The following VGLL4 variants were observed in gnomAD, a reference collection of about 807,000 sequenced individuals.
VGLL4 encodes the protein transcription cofactor vestigial-like protein 4.
VGLL4 carries 7 observed loss-of-function variants against 21.0 expected under a neutral mutation model. The observed-to-expected ratio is 0.33, with a 90% CI of 0.19 to 0.63. VGLL4 has a LOEUF of 0.63. Ranked by LOEUF, VGLL4 falls within the 20% of genes least tolerant of loss-of-function variation. The pLI is 0.78. For synonymous variants in VGLL4, 222 were observed against 173.2 expected, an observed-to-expected ratio of 1.28 and a Z score of -2.21; for missense variants, 394 against 425.7, an observed-to-expected ratio of 0.93 and a Z score of 0.66.
At chr3:11,606,827 C>G (rs1477097519) in intron 1 of VGLL4, among the ~76,000 whole-genome samples, 4 of 152,160 alleles carry the variant, frequency 2.6e-5, no homozygotes, top group Non-Finnish European at 5.9e-5. Context: ...CACTCAAGTC[C>G]CCTTCCACGC....
At chr3:11,584,200 G>A (rs773251920) in intron 2 of VGLL4, among the ~76,000 whole-genome samples, 14 of 152,024 alleles carry the variant, frequency 9.2e-5, no homozygotes, top group Admixed American at 1.3e-4. Context: ...ATGAAGAGTC[G>A]TAACATATCA....
Position 11,653,911 on chromosome 3 carries a change from C to G in VGLL4, c.64+49060G>C, listed in dbSNP as rs2075916684. 2.0e-5 allele frequency among the ~76,000 whole-genome samples: 3 copies of G among 152,022 alleles called. No homozygotes were observed. The South Asian group carries it at 6.2e-4, about 32-fold the overall frequency. Reference sequence around the variant, plus strand: ...TAGCAGGCAGAGGGATAGAATTCACCCGAGACAACACAGAGGGAAGGGCCC... The same window carrying G: ...TAGCAGGCAGAGGGATAGAATTCACGCGAGACAACACAGAGGGAAGGGCCC... On this transcript the variant is annotated intron_variant, in intron 2 of 5. Coordinates refer to the VGLL4 transcript ENST00000273038. This position sits in a 1 kb window ranked among gnomAD's most constrained non-coding sequence, Gnocchi z 4.2.
chr3:11,631,451 A>G (rs1159911906), intron 1 of VGLL4, among the ~76,000 whole-genome samples: 9 of 152,212 alleles, frequency 5.9e-5, no homozygotes, highest in African/African-American at 4.8e-5. Flanking sequence ...TTATCAGCAG[A>G]TAAGGACAAA....
At chr3:11,649,229 G>A (rs560608977) in intron 2 of VGLL4, among the ~76,000 whole-genome samples, 9 of 152,206 alleles carry the variant, frequency 5.9e-5, no homozygotes, top group Non-Finnish European at 8.8e-5. Flanking sequence ...TATATACTGT[G>A]TGACAGTACT....
At chr3:11,583,145 C>T (rs2074277801) in intron 2 of VGLL4, among the ~76,000 whole-genome samples, 1 of 152,190 alleles carries the variant, frequency 6.6e-6, no homozygotes, top group Non-Finnish European at 1.5e-5. Flanking sequence ...GTCAGTTTTG[C>T]AAACAAGACC....
At chr3:11,598,786 C>T (rs1034322109) in intron 2 of VGLL4, among the ~76,000 whole-genome samples, 12 of 152,140 alleles carry the variant, frequency 7.9e-5, no homozygotes, top group African/African-American at 2.9e-4. Context: ...GCTAGCACAC[C>T]CAGCCAAAAC....
intron 2 of VGLL4, among the ~76,000 whole-genome samples, chr3:11,668,028 A>AT (rs371554255): frequency 4.7e-5 from 7 of 150,376 alleles, no homozygotes; most frequent in African/African-American, 1.7e-4. Context: ...TAATTTTTGT[A>AT]TTTTTTTGTA....
At chr3:11,580,478 G>A (rs1052804024) in intron 2 of VGLL4, among the ~76,000 whole-genome samples, 1 of 152,198 alleles carries the variant, frequency 6.6e-6, no homozygotes, top group Non-Finnish European at 1.5e-5. Context: ...ATCCGTTCAA[G>A]TCTCTGCTTT....
chr3:11,676,251 G>A (rs2076287704), intron 2 of VGLL4, among the ~76,000 whole-genome samples: 2 of 152,080 alleles, frequency 1.3e-5, no homozygotes. Flanking sequence ...GCCGGGTGTG[G>A]TGGTGGGTGC....
intron 2 of VGLL4, among the ~76,000 whole-genome samples, chr3:11,679,369 GA>G (rs146424551): frequency 0.12 from 17,279 of 148,746 alleles, 1,208 homozygotes; most frequent in Admixed American, 0.15. Flanking sequence ...AGTAAAAATT[GA>G]AAAAAAAAAA....
intron 2 of VGLL4, among the ~76,000 whole-genome samples, chr3:11,583,348 A>G (rs1416349255): frequency 2.6e-5 from 4 of 152,204 alleles, no homozygotes; most frequent in Non-Finnish European, 5.9e-5. Context: ...CAACCCCAAA[A>G]TGATGTGAAA....
rs765522686 is a variant in VGLL4, at chr3:11,564,840, G to A, written c.452C>T (p.Pro151Leu). The change falls in exon 3 of 5, where the codon CCA becomes CTA. Residue 151 changes from proline (P) to leucine (L), a missense_variant. Pro to Leu is a moderately conservative substitution (Grantham distance 98). Transcript: ENST00000430365. ...LTKNSLDASR[P>L]AGLSPTLTPG... Reference sequence around the variant, plus strand: ...GGTCAGTGTGGGCGAGAGGCCGGCTGGCCTGCTGGCGTCCAGGCTGTTCTT... The same window carrying A: ...GGTCAGTGTGGGCGAGAGGCCGGCTAGCCTGCTGGCGTCCAGGCTGTTCTT... The A allele has an allele frequency of 1.2e-5, 20 of 1,600,392 alleles. No homozygotes were observed. The African/African-American group carries it at 2.1e-4, about 17-fold the overall frequency.
intron 2 of VGLL4, among the ~76,000 whole-genome samples, chr3:11,598,760 G>A (rs1463421322): frequency 1.3e-5 from 2 of 152,112 alleles, no homozygotes; most frequent in African/African-American, 2.4e-5. Context: ...CTAAAGTGCT[G>A]GAATTACAGG....
chr3:11,576,526 C>T (rs2074050642), intron 2 of VGLL4, among the ~76,000 whole-genome samples: 1 of 152,202 alleles, frequency 6.6e-6, no homozygotes, highest in Non-Finnish European at 1.5e-5. Context: ...TGGACAAAAC[C>T]CTGGGAGACA....
At chr3:11,705,717 T>C (rs2125407876) in intron 1 of VGLL4, among the ~76,000 whole-genome samples, 1 of 152,320 alleles carries the variant, frequency 6.6e-6, no homozygotes, top group East Asian at 1.9e-4. Context: ...TGTGATTTGG[T>C]CGAGACCATC....
intron 2 of VGLL4, among the ~76,000 whole-genome samples, chr3:11,677,902 C>G (rs1475747490): frequency 1.1e-5 from 1 of 90,734 alleles, no homozygotes; most frequent in Non-Finnish European, 2.3e-5. Context: ...AGCAAGACTT[C>G]GTCTTTCAAA....
intron 2 of VGLL4, among the ~76,000 whole-genome samples, chr3:11,665,215 G>C (rs1004834421): frequency 3.7e-5 from 5 of 135,492 alleles, no homozygotes; most frequent in African/African-American, 1.4e-4. Flanking sequence ...CTGGGTTCAC[G>C]CCATTCTCCT....
chr3:11,562,908 G>A (rs1313312854), intron 3 of VGLL4, among the ~76,000 whole-genome samples: 1 of 152,240 alleles, frequency 6.6e-6, no homozygotes, highest in Admixed American at 6.5e-5. Flanking sequence ...AAGCTGCTCA[G>A]GAGCCCCAAG....
intron 2 of VGLL4, among the ~76,000 whole-genome samples, chr3:11,587,947 T>A (rs558219588): frequency 6.6e-6 from 1 of 152,284 alleles, no homozygotes; most frequent in Non-Finnish European, 1.5e-5. Context: ...ACCTCGCGCA[T>A]GTGTGCGTTT....
Sources: gnomAD v4.1 joint callset for allele counts (sites outside exome capture counted in the v4.1 genomes callset) on GRCh38, gnomAD v4.1.1 for gene constraint, Gnocchi (gnomAD v3.1) non-coding constraint, MANE v1.5 for transcripts, NCBI Gene and HGNC (gene_info 2026-07-23, HGNC 2026-07-21) for gene names.